The following NEMP2 variants were observed in gnomAD, a reference collection of about 807,000 sequenced individuals.
The protein encoded by NEMP2 is nuclear envelope integral membrane protein 2, also known as UPF0571 transmembrane protein.
In NEMP2, 53 loss-of-function variants were observed where a neutral mutation model predicts 54.2. The ratio of observed to expected loss-of-function variants is 0.98; its 90% CI spans 0.78 to 1.23. The LOEUF (loss-of-function observed/expected upper bound fraction) is 1.23. Among genes scored for constraint, NEMP2 ranks in the 50% most tolerant of loss-of-function variants. The pLI is 0.00. For missense variants in NEMP2, 455 were observed against 511.3 expected, an observed-to-expected ratio of 0.89 and a Z score of 1.06; for synonymous variants, 197 against 190.3, an observed-to-expected ratio of 1.04 and a Z score of -0.29.
At position 190,530,883 on chromosome 2, in the gene NEMP2, G is replaced by A. The variant is rs1307369475; in HGVS notation, c.97+3676C>T. ...CTCAAATGTATCAAAACAACAACGGGCCAGGTGCTGAGGCTCATGCCTGTA... is the reference window on the plus strand; with the variant it reads ...CTCAAATGTATCAAAACAACAACGGACCAGGTGCTGAGGCTCATGCCTGTA... On this transcript the variant is annotated intron_variant, in intron 1 of 8. Transcript: ENST00000409150. This position sits in a 1 kb window ranked among gnomAD's most constrained non-coding sequence, Gnocchi z 4.6. Among the ~76,000 whole-genome samples, 2 of 152,166 alleles carry A rather than the reference G, an allele frequency of 1.3e-5. No homozygotes were observed. The highest frequency in any genetic ancestry group is 2.9e-5 in the Non-Finnish European group (2 of 68,030).
At chr2:190,644,178 A>C in the NEMP2 span, among the ~76,000 whole-genome samples, 3 of 152,174 alleles carry the variant, frequency 2.0e-5, no homozygotes, top group Non-Finnish European at 2.9e-5. The surrounding 1 kb of genome is among the most constrained non-coding windows in gnomAD (Gnocchi z 4.4). Flanking sequence ...TAAAAAAAAA[A>C]CAAAAAACAG....
the NEMP2 span, among the ~76,000 whole-genome samples, chr2:190,576,173 G>A: frequency 6.6e-6 from 1 of 152,004 alleles, no homozygotes; most frequent in African/African-American, 2.4e-5. Context: ...GTCTCGCTAT[G>A]CTGCCCAAGC....
the NEMP2 span, chr2:190,477,349 TAC>T: frequency 1.0e-6 from 1 of 984,038 alleles, no homozygotes; most frequent in African/African-American, 1.7e-5. Context: ...ATTGGTATGC[TAC>T]AGTGTGCAGA....
At position 190,525,338 on chromosome 2, in the gene NEMP2, T is replaced by G; in HGVS notation, c.138A>C (p.Arg46Ser). The part of the protein sequence containing the change: ...CKALKEKDLI[R>S]TSESDCYCYN... ...AGCAGTAACAGTCTGACTCAGACGT[T>G]CTAATTAAATCTTTTTCCTTCAAAG... Residue 46 changes from arginine to serine, a missense_variant, in exon 2 of 9, where the codon AGA becomes AGC. Transcript: ENST00000409150. The surrounding 1 kb of genome is among the most constrained non-coding windows in gnomAD (Gnocchi z 5.0). The G allele has an allele frequency of 6.5e-7, 1 of 1,550,364 alleles. No homozygotes were observed. Among genetic ancestry groups the G allele is most frequent in the Non-Finnish European group, 8.7e-7 (1 of 1,146,136 alleles).
chr2:190,612,152 CTTTTT>C, the NEMP2 span, among the ~76,000 whole-genome samples: 2 of 115,780 alleles, frequency 1.7e-5, no homozygotes, highest in Middle Eastern at 4.5e-3. Flanking sequence ...AAACATCCCT[CTTTTT>C]TTTTTTTTTT....
the NEMP2 span, among the ~76,000 whole-genome samples, chr2:190,577,571 G>A: frequency 1.3e-5 from 2 of 152,162 alleles, no homozygotes; most frequent in African/African-American, 4.8e-5. The surrounding 1 kb of genome is among the most constrained non-coding windows in gnomAD (Gnocchi z 4.8). Flanking sequence ...TTGCCCAAGA[G>A]GATCACTTTT....
At chr2:190,469,886 C>T in the NEMP2 span, 1 of 1,493,372 alleles carries the variant, frequency 6.7e-7, no homozygotes, top group Non-Finnish European at 9.3e-7. The surrounding 1 kb of genome is among the most constrained non-coding windows in gnomAD (Gnocchi z 5.3). Context: ...GAAATTATTT[C>T]TCTGCCTTCC....
At chr2:190,483,835 C>CAAA in the NEMP2 span, among the ~76,000 whole-genome samples, 9 of 86,650 alleles carry the variant, frequency 1.0e-4, no homozygotes, top group Non-Finnish European at 1.5e-4. Flanking sequence ...AACTCATTTT[C>CAAA]AAAAAAAAAA....
the NEMP2 span, among the ~76,000 whole-genome samples, chr2:190,572,241 A>G: frequency 6.6e-6 from 1 of 152,234 alleles, no homozygotes; most frequent in East Asian, 1.9e-4. Flanking sequence ...AAGTTAGAAT[A>G]AAGAAATCTC....
the NEMP2 span, chr2:190,463,837 TA>T: frequency 1.0e-6 from 1 of 962,244 alleles, no homozygotes; most frequent in Non-Finnish European, 1.2e-6. The surrounding 1 kb of genome is among the most constrained non-coding windows in gnomAD (Gnocchi z 4.4). Flanking sequence ...AATAAATAAA[TA>T]AAATAAAAAT....
chr2:190,481,740 A>G, the NEMP2 span, among the ~76,000 whole-genome samples: 1 of 152,354 alleles, frequency 6.6e-6, no homozygotes, highest in African/African-American at 2.4e-5. Context: ...TTGCAGTCCT[A>G]TACATCAATA....
In NEMP2 at chr2:190,518,852, T is replaced by C. The variant is rs946115279; in HGVS notation, c.446-44A>G. On this transcript the variant is annotated intron_variant, in intron 3 of 8. Transcript: ENST00000409150. ...ACAAACACATAACAAAGATTTTTTA[T>C]CAATGTAATGTTGGTAAAAGAAGAA... 3.3e-6 allele frequency: 5 copies of C among 1,519,992 alleles called. No individual in the cohort carries two copies. The East Asian group carries it at 1.2e-4, about 37-fold the overall frequency. The allele number at this position is 1,519,992 out of a possible 1,614,324, so 94.2% of individuals were successfully genotyped here.
the NEMP2 span, among the ~76,000 whole-genome samples, chr2:190,444,652 A>T: frequency 1.3e-5 from 2 of 152,194 alleles, no homozygotes; most frequent in Non-Finnish European, 2.9e-5. Context: ...ATGGCAAAGC[A>T]CTAAAGAAAA....
chr2:190,646,739 T>C, the NEMP2 span: 1 of 152,210 alleles, frequency 6.6e-6, no homozygotes. Flanking sequence ...AAAGTATCTG[T>C]CCTGACACAT....
the NEMP2 span, among the ~76,000 whole-genome samples, chr2:190,475,300 G>C: frequency 4.6e-5 from 7 of 152,314 alleles, no homozygotes; most frequent in Non-Finnish European, 7.4e-5. Context: ...TGACATGATT[G>C]TATATCTAGA....
chr2:190,648,709 C>T, the NEMP2 span, among the ~76,000 whole-genome samples: 113 of 151,546 alleles, frequency 7.5e-4, no homozygotes, highest in African/African-American at 2.7e-3. Context: ...CTTTGTCGTC[C>T]CCTCCCCGCG....
chr2:190,448,496 T>G, the NEMP2 span, among the ~76,000 whole-genome samples: 1 of 152,158 alleles, frequency 6.6e-6, no homozygotes, highest in African/African-American at 2.4e-5. Context: ...AGAAATAGAC[T>G]AGATCAATAT....
the NEMP2 span, among the ~76,000 whole-genome samples, chr2:190,430,393 G>A: frequency 6.6e-6 from 1 of 150,900 alleles, no homozygotes; most frequent in African/African-American, 2.4e-5. Flanking sequence ...TGAGATTAGG[G>A]AGTGGTGATG....
At chr2:190,639,847 A>G in the NEMP2 span, among the ~76,000 whole-genome samples, 1 of 152,060 alleles carries the variant, frequency 6.6e-6, no homozygotes, top group Non-Finnish European at 1.5e-5. Context: ...ACGTGGCTTC[A>G]CCATGTTAGC....
Sources: allele counts gnomAD v4.1 joint callset (sites outside exome capture counted in the v4.1 genomes callset), GRCh38; gene constraint gnomAD v4.1.1; non-coding constraint Gnocchi (gnomAD v3.1); transcripts MANE v1.5; gene names NCBI Gene and HGNC (gene_info 2026-07-23, HGNC 2026-07-21).